The following ZFYVE28 variants were observed in gnomAD, a reference collection of about 807,000 sequenced individuals.
ZFYVE28 encodes zinc finger FYVE-type containing 28.
Under a neutral mutation model 82.1 loss-of-function variants are expected in ZFYVE28, and 40 were observed. That is an observed-to-expected ratio of 0.49 (90% confidence interval 0.38 to 0.63). ZFYVE28 has a LOEUF of 0.63. Among genes scored for constraint, ZFYVE28 ranks in the 30% least tolerant of loss-of-function variants. The pLI, the probability that ZFYVE28 is intolerant of heterozygous loss-of-function variation, is 0.00. For synonymous variants in ZFYVE28, 612 were observed against 546.1 expected (o/e 1.12, Z -1.68); for missense variants, 1,321 against 1,242.1 (o/e 1.06, Z -0.96).
At chr4:2,333,582 C>T (rs1721081300) in intron 6 of ZFYVE28, among the ~76,000 whole-genome samples, 1 of 152,132 alleles carries the variant, frequency 6.6e-6, no homozygotes, top group African/African-American at 2.4e-5. Flanking sequence ...CAGGCCCGAC[C>T]TTTAAGAGGA....
rs929239881 is a variant in ZFYVE28, at chr4:2,332,206, A to C, written c.701+3499T>G. ...GCACCCCTGCCTCCCCTCTGCTCTC[A>C]GTGTTCCCTGGGGGTCACCTGGGGG... On this transcript the variant is annotated intron_variant, in intron 6 of 12. Transcript: ENST00000290974. This position sits in a 1 kb window ranked among gnomAD's most constrained non-coding sequence, Gnocchi z 4.7. Among the ~76,000 whole-genome samples the C allele has an allele frequency of 4.6e-5, 7 of 152,020 alleles. No homozygotes were observed. The highest frequency in any genetic ancestry group is 8.8e-5 in the Non-Finnish European group (6 of 67,968).
At position 2,341,106 on chromosome 4, in the gene ZFYVE28, G is replaced by A. The variant is rs632510; in HGVS notation, c.318+372C>T. On this transcript the variant is annotated intron_variant, in intron 3 of 12. Coordinates refer to ENST00000290974, the MANE Select transcript of ZFYVE28 (RefSeq NM_020972.3). This position sits in a 1 kb window ranked among gnomAD's most constrained non-coding sequence, Gnocchi z 4.5. ...TGTGGCCTGCGTGGGGCTGCAGCAC[G>A]GCTCCCCAGCCCCTGCTGCTGCCCA... Among the ~76,000 whole-genome samples, 66,387 of 151,730 alleles carry A rather than the reference G, an allele frequency of 0.44. 15,372 individuals carry two copies. The highest frequency in any genetic ancestry group is 0.59 in the African/African-American group (24,560 of 41,422).
At chr4:2,411,229 C>A (rs6838415) in intron 1 of ZFYVE28, among the ~76,000 whole-genome samples, 25,036 of 149,588 alleles carry the variant, frequency 0.17, 2,233 homozygotes, top group East Asian at 0.34. Flanking sequence ...GGGGCCCCCC[C>A]ACTTGATGTG....
chr4:2,385,111 A>C (rs1432323835), intron 1 of ZFYVE28, among the ~76,000 whole-genome samples: 1 of 152,188 alleles, frequency 6.6e-6, no homozygotes, highest in Non-Finnish European at 1.5e-5. Context: ...CCAGACTGGA[A>C]GGCCAAGTCA....
intron 1 of ZFYVE28, among the ~76,000 whole-genome samples, chr4:2,380,394 C>A (rs1333038437): frequency 6.6e-6 from 1 of 152,238 alleles, no homozygotes; most frequent in Non-Finnish European, 1.5e-5. Flanking sequence ...ACTCCAAGAA[C>A]AACTGCCGAG....
intron 7 of ZFYVE28, chr4:2,316,474 C>T (rs1718226406): frequency 1.3e-5 from 2 of 152,512 alleles, no homozygotes. Flanking sequence ...TCCTGAGCAG[C>T]TGGGACTACA....
rs569050462 is a variant in ZFYVE28 at position 2,394,756 on chromosome 4, G to A, written c.39+23529C>T. On this transcript the variant is annotated intron_variant, in intron 1 of 12. Coordinates refer to ENST00000290974, the MANE Select transcript of ZFYVE28 (RefSeq NM_020972.3). The surrounding 1 kb of genome is among the most constrained non-coding windows in gnomAD (Gnocchi z 4.0). ...CATCGATGCCTGACTGCACGTGTGCGTGCTTCCATTACACTGTCGGCGGTC... is the reference window on the plus strand; with the variant it reads ...CATCGATGCCTGACTGCACGTGTGCATGCTTCCATTACACTGTCGGCGGTC... Among the ~76,000 whole-genome samples, 21 of 152,346 alleles carry A rather than the reference G, an allele frequency of 1.4e-4. No homozygotes were observed. Among genetic ancestry groups the A allele is most frequent in the South Asian group, 6.2e-4 (3 of 4,828 alleles).
intron 6 of ZFYVE28, chr4:2,330,322 G>A (rs746802163): frequency 1.3e-5 from 13 of 989,674 alleles, no homozygotes; most frequent in Non-Finnish European, 1.4e-5. Context: ...GCAACCTGCT[G>A]GTGGGAGAGG....
chr4:2,316,205 A>T (rs898761678), intron 7 of ZFYVE28: 2 of 150,112 alleles, frequency 1.3e-5, no homozygotes, highest in Non-Finnish European at 3.0e-5. Flanking sequence ...TTAGAGATGG[A>T]GTCTTGCTAT....
intron 5 of ZFYVE28, among the ~76,000 whole-genome samples, chr4:2,336,798 ATGAGGAGGTGAGGAGGTGTGGAT>A (rs1721808230): frequency 5.0e-5 from 5 of 99,344 alleles, no homozygotes; most frequent in Admixed American, 1.8e-4. Context: ...GAGTGAGGAG[ATGAGGAGGTGAGGAGGTGTGGAT>A]TGAGGAGGTG....
chr4:2,364,842 A>G, intron 1 of ZFYVE28: 1 of 985,472 alleles, frequency 1.0e-6, no homozygotes, highest in Non-Finnish European at 1.2e-6. Flanking sequence ...ATACCGCGAT[A>G]AAACCCCCAC....
At position 2,418,426 on chromosome 4, in the gene ZFYVE28, C is replaced by A. The variant is rs541860022; in HGVS notation, c.-103G>T. On this transcript the variant is annotated 5_prime_UTR_variant, in exon 1 of 13. Coordinates refer to ENST00000290974, the MANE Select transcript of ZFYVE28 (RefSeq NM_020972.3). This position sits in a 1 kb window ranked among gnomAD's most constrained non-coding sequence, Gnocchi z 4.6. The stretch of plus-strand genomic sequence containing the variant: ...GGCGGACGCGGAGGCACGGCCGGAG[C>A]CCCCGCGCTGTCGCAGGGAGGCTGG... 13 of 955,002 alleles carry A rather than the reference C, an allele frequency of 1.4e-5. No homozygotes were observed. In the East Asian group the frequency reaches 6.8e-4, roughly 50 times the overall value. The allele number at this position is 955,002 out of a possible 1,614,324, so 59.2% of individuals were successfully genotyped here.
intron 1 of ZFYVE28, among the ~76,000 whole-genome samples, chr4:2,395,159 C>T (rs908953865): frequency 5.3e-5 from 8 of 152,004 alleles, no homozygotes; most frequent in Admixed American, 1.3e-4. Flanking sequence ...ATCACTGCCA[C>T]GCCAGTCGTA....
intron 2 of ZFYVE28, 23 bp downstream of exon 2, chr4:2,353,910 G>C: frequency 6.7e-7 from 1 of 1,481,672 alleles, no homozygotes; most frequent in Non-Finnish European, 9.0e-7. Context: ...GGGCCAGCCA[G>C]CTTCTGCTGC....
At chr4:2,330,574 G>A (rs1720517402) in intron 6 of ZFYVE28, 3 of 1,223,092 alleles carry the variant, frequency 2.5e-6, no homozygotes, top group Non-Finnish European at 3.1e-6. Context: ...GAATGGGATA[G>A]CATGGAGAAT....
At chr4:2,401,285 C>T (rs950960224) in intron 1 of ZFYVE28, among the ~76,000 whole-genome samples, 4 of 152,186 alleles carry the variant, frequency 2.6e-5, no homozygotes, top group Admixed American at 2.0e-4. Flanking sequence ...GGGGAGGTGC[C>T]GATTCATCCT....
chr4:2,294,255 T>C (rs746398121), intron 8 of ZFYVE28, among the ~76,000 whole-genome samples: 5 of 152,104 alleles, frequency 3.3e-5, no homozygotes, highest in Non-Finnish European at 7.4e-5. Context: ...TACAGGCAAA[T>C]AGATTAATAG....
At chr4:2,301,560 C>A (rs73085183) in intron 8 of ZFYVE28, among the ~76,000 whole-genome samples, 2 of 152,112 alleles carry the variant, frequency 1.3e-5, no homozygotes, top group African/African-American at 4.8e-5. Flanking sequence ...GCTGAGGCCG[C>A]GTTAAGAGGC....
At chr4:2,293,913 AC>A (rs1476586820) in intron 8 of ZFYVE28, among the ~76,000 whole-genome samples, 1 of 152,188 alleles carries the variant, frequency 6.6e-6, no homozygotes, top group African/African-American at 2.4e-5. Flanking sequence ...GATGTGCAAG[AC>A]CTGTACAGTT....
Sources: gnomAD v4.1 joint callset for allele counts (sites outside exome capture counted in the v4.1 genomes callset) on GRCh38, gnomAD v4.1.1 for gene constraint, Gnocchi (gnomAD v3.1) non-coding constraint, MANE v1.5 for transcripts, NCBI Gene and HGNC (gene_info 2026-07-23, HGNC 2026-07-21) for gene names.